MID1: variants seen among roughly 807,000 people sequenced by gnomAD.
The protein encoded by MID1 is E3 ubiquitin-protein ligase Midline-1.
MID1 carries 7 observed loss-of-function variants against 40.4 expected under a neutral mutation model. The ratio of observed to expected loss-of-function variants is 0.17; its 90% confidence interval spans 0.10 to 0.33. MID1 has a LOEUF of 0.33. Ranked by LOEUF, MID1 falls within the 10% of genes least tolerant of loss-of-function variation. The pLI is 1.00. For missense variants in MID1, 367 were observed against 558.5 expected, an observed-to-expected ratio of 0.66 and a Z score of 3.46; for synonymous variants, 229 against 221.2, an observed-to-expected ratio of 1.04 and a Z score of -0.31.
intron 1 of MID1, among the ~76,000 whole-genome samples, chrX:10,762,863 T>C (rs1432499344): frequency 8.9e-6 from 1 of 112,137 alleles, no homozygotes; most frequent in Non-Finnish European, 1.9e-5. Flanking sequence ...ATAAGTGAGA[T>C]GCTTCCTAAT....
chrX:10,605,966 G>A lies in MID1; in HGVS notation c.-57+14324C>T, dbSNP rs754544135. ...CATTCTGAATTGGCTTAGCGTTCCC[G>A]GGAGATTCATATTACAGTACAACTC... On this transcript the variant is annotated intron_variant, in intron 1 of 9. Coordinates refer to ENST00000317552, the MANE Select transcript of MID1 (RefSeq NM_000381.4). Among the ~76,000 whole-genome samples the A allele has an allele frequency of 2.0e-4, 22 of 110,968 alleles. 1 individual carries two copies. Among genetic ancestry groups the A allele is most frequent in the Middle Eastern group, 9.3e-3 (2 of 215 alleles).
intron 1 of MID1, among the ~76,000 whole-genome samples, chrX:10,800,481 TGA>T (rs2147145013): frequency 8.9e-6 from 1 of 112,018 alleles, no homozygotes; most frequent in East Asian, 2.8e-4. Context: ...CCACAAAACC[TGA>T]GAGATAATAA....
At chrX:10,790,432 G>T (rs766124727) in intron 1 of MID1, among the ~76,000 whole-genome samples, 1 of 110,695 alleles carries the variant, frequency 9.0e-6, no homozygotes, top group Admixed American at 9.7e-5. Flanking sequence ...ATGTGTCAGT[G>T]TGACTCCAGC....
At chrX:10,698,403 C>G (rs1023605541) in intron 1 of MID1, among the ~76,000 whole-genome samples, 2 of 112,297 alleles carry the variant, frequency 1.8e-5, no homozygotes, top group African/African-American at 6.5e-5. Context: ...ATAGTTATGT[C>G]TTATGCACAG....
intron 3 of MID1, among the ~76,000 whole-genome samples, chrX:10,515,343 A>C (rs1236339258): frequency 8.9e-6 from 1 of 111,964 alleles, no homozygotes; most frequent in African/African-American, 3.3e-5. Flanking sequence ...TCACCCAAGT[A>C]ACACCTCACT....
intron 1 of MID1, among the ~76,000 whole-genome samples, chrX:10,610,928 T>A (rs758197001): frequency 2.7e-5 from 3 of 111,969 alleles, no homozygotes; most frequent in Non-Finnish European, 5.6e-5. Flanking sequence ...AATCAACAAT[T>A]TACCTGGTTA....
intron 1 of MID1, among the ~76,000 whole-genome samples, chrX:10,670,879 G>A (rs2042983486): frequency 8.9e-6 from 1 of 111,893 alleles, no homozygotes; most frequent in East Asian, 2.8e-4. Context: ...AAAGAACTAT[G>A]CTCTCACTTC....
intron 1 of MID1, among the ~76,000 whole-genome samples, chrX:10,818,512 T>G (rs1483634023): frequency 8.9e-6 from 1 of 112,645 alleles, no homozygotes; most frequent in African/African-American, 3.2e-5. Context: ...AAAGACATCT[T>G]AAGTCCTGCC....
rs182901428 is a variant in MID1, at chrX:10,490,155, T to C, written c.864+5429A>G. ...GAAAGAACAGAAATCATAACTTTTC[T>C]GAGTCTTTACCCCATAACATGATAC... is the stretch of plus-strand genomic sequence containing the variant. On this transcript the variant is annotated intron_variant, in intron 4 of 9. Coordinates refer to ENST00000317552, the MANE Select transcript of MID1 (RefSeq NM_000381.4). 2.0e-4 allele frequency among the ~76,000 whole-genome samples: 22 copies of C among 111,946 alleles called. No homozygotes were observed. In the East Asian group the frequency reaches 5.9e-3, roughly 30 times the overall value.
At chrX:10,763,527 G>A (rs1016201097) in intron 1 of MID1, among the ~76,000 whole-genome samples, 2 of 111,528 alleles carry the variant, frequency 1.8e-5, no homozygotes, top group East Asian at 2.8e-4. Context: ...AGTATTCCAC[G>A]GTGTATATGT....
intron 8 of MID1, among the ~76,000 whole-genome samples, chrX:10,457,577 C>T (rs943190513): frequency 1.8e-5 from 2 of 112,177 alleles, no homozygotes. Context: ...GCCCAGCAGC[C>T]AGTCTTCCTT....
chrX:10,531,646 C>T (rs996871555), intron 2 of MID1, among the ~76,000 whole-genome samples: 2 of 112,009 alleles, frequency 1.8e-5, no homozygotes, highest in African/African-American at 6.5e-5. Flanking sequence ...TTTTTCTAAC[C>T]TGGTAGTCAA....
chrX:10,678,807 A>G (rs1445996912), intron 1 of MID1, among the ~76,000 whole-genome samples: 1 of 112,294 alleles, frequency 8.9e-6, no homozygotes, highest in Non-Finnish European at 1.9e-5. Flanking sequence ...AATAAAATCA[A>G]TGTAAATTAA....
At chrX:10,823,282 T>C (rs2044190416) in intron 1 of MID1, among the ~76,000 whole-genome samples, 1 of 110,838 alleles carries the variant, frequency 9.0e-6, no homozygotes, top group Admixed American at 9.6e-5. Flanking sequence ...TGAGAACACA[T>C]GGACACATTA....
intron 1 of MID1, among the ~76,000 whole-genome samples, chrX:10,567,895 T>C (rs780525394): frequency 1.8e-5 from 2 of 112,274 alleles, no homozygotes; most frequent in South Asian, 7.4e-4. Flanking sequence ...TAATTGAAAC[T>C]GTAATTTCCA....
intron 8 of MID1, among the ~76,000 whole-genome samples, chrX:10,458,990 CAGAG>C (rs1928856658): frequency 9.0e-6 from 1 of 111,384 alleles, no homozygotes; most frequent in Admixed American, 9.5e-5. Flanking sequence ...CACATGTGGA[CAGAG>C]AGAGGGAGAT....
At chrX:10,505,188 T>C in intron 3 of MID1, 1 of 186,365 alleles carries the variant, frequency 5.4e-6, no homozygotes, top group Non-Finnish European at 8.3e-6. Flanking sequence ...AATGACAACA[T>C]ACTTGCGGTA....
At chrX:10,566,455 G>C (rs142523220) in intron 2 of MID1, among the ~76,000 whole-genome samples, 161 of 107,559 alleles carry the variant, frequency 1.5e-3, no homozygotes, top group African/African-American at 5.1e-3. Flanking sequence ...AGTGAGAAAA[G>C]TAAGTGTTCC....
At chrX:10,641,573 A>G (rs1212968793) in intron 1 of MID1, among the ~76,000 whole-genome samples, 1 of 112,040 alleles carries the variant, frequency 8.9e-6, no homozygotes, top group African/African-American at 3.3e-5. Flanking sequence ...TCACAGTCAA[A>G]TTCTACCAGA....
Sources: gnomAD v4.1 joint callset for allele counts (sites outside exome capture counted in the v4.1 genomes callset) on GRCh38, gnomAD v4.1.1 for gene constraint, MANE v1.5 for transcripts, NCBI Gene and HGNC (gene_info 2026-07-23, HGNC 2026-07-21) for gene names.